Variants in PLD4 observed in about 807,000 individuals in gnomAD.
PLD4 encodes 5'-3' exonuclease PLD4.
PLD4 carries 54 observed loss-of-function variants against 52.3 expected under a neutral mutation model. The ratio of observed to expected loss-of-function variants is 1.03; its 90% CI spans 0.83 to 1.30. The LOEUF (loss-of-function observed/expected upper bound fraction) is 1.30, where lower values mean the gene tolerates loss of function less well. Ranked by LOEUF, PLD4 falls within the 50% of genes most tolerant of loss-of-function variation. The pLI, the probability that PLD4 is intolerant of heterozygous loss-of-function variation, is 0.00. For missense variants in PLD4, 731 were observed against 671.1 expected, an observed-to-expected ratio of 1.09 and a Z score of -0.99; for synonymous variants, 264 against 286.5, an observed-to-expected ratio of 0.92 and a Z score of 0.79.
Position 104,930,009 on chromosome 14 carries a change from G to GCAAAACA in PLD4, c.622_623insAAAACAC (p.Leu208GlnfsTer44). 6.2e-7 allele frequency: 1 copy of GCAAAACA among 1,613,612 alleles called. No homozygotes were observed. The highest frequency in any genetic ancestry group is 1.1e-5 in the South Asian group (1 of 91,082). On this transcript the variant is annotated frameshift_variant, in exon 6 of 11. Transcript: ENST00000392593. LOFTEE classifies it high-confidence loss of function. ...ATGTACGACAGGTGCCCATGGGGCG[G>GCAAAACA]CTCACCAGGGGTGTTTTGCACTCCA...
intron 2 of PLD4, 69 bp downstream of exon 2, chr14:104,927,299 T>G (rs1021919341): frequency 7.5e-7 from 1 of 1,330,360 alleles, no homozygotes; most frequent in South Asian, 1.4e-5. Context: ...CGAGCCAGAG[T>G]GGAGAGGTCA....
intron 5 of PLD4, 131 bp downstream of exon 5, chr14:104,929,558 G>GGGCA (rs1162986750): frequency 7.4e-7 from 1 of 1,359,540 alleles, no homozygotes; most frequent in Non-Finnish European, 9.7e-7. Context: ...CACCCCAGGA[G>GGGCA]GGCAGGACCC....
intron 1 of PLD4, among the ~76,000 whole-genome samples, chr14:104,925,862 G>A (rs1320306765): frequency 3.9e-5 from 6 of 152,060 alleles, no homozygotes; most frequent in Non-Finnish European, 7.4e-5. Context: ...GAGTTGGGCC[G>A]CAGTGACTTG....
chr14:104,927,334 A>G, intron 2 of PLD4, 104 bp downstream of exon 2: 1 of 1,027,602 alleles, frequency 9.7e-7, no homozygotes, highest in East Asian at 2.7e-5. Flanking sequence ...GGGGCCTCCA[A>G]GCAGAGGTGC....
chr14:104,926,162 C>A (rs1194772743), intron 1 of PLD4, among the ~76,000 whole-genome samples: 2 of 152,160 alleles, frequency 1.3e-5, no homozygotes, highest in Non-Finnish European at 1.5e-5. Flanking sequence ...TGGCACTCAG[C>A]ACTGCCCAGG....
rs751493751 is a variant in PLD4, at chr14:104,932,832, C to A, written c.1389C>A (p.Ser463Arg). 26 of 1,605,062 alleles carry A rather than the reference C, an allele frequency of 1.6e-5. No homozygotes were observed. The highest frequency in any genetic ancestry group is 2.1e-5 in the Non-Finnish European group (25 of 1,176,356). ...GGGTGGGCTTGGTGGTCACCCAGAG[C>A]CCTGGCGCGCAGCCCGCGGGGGCCA... The part of the protein sequence containing the change: ...TAGVGLVVTQ[S>R]PGAQPAGATV... The change falls in exon 11 of 11, where the codon AGC (serine) becomes AGA (arginine). Residue 463 changes from serine (S) to arginine (R), a missense_variant. By Grantham distance (110) the Ser-to-Arg change is moderately radical (BLOSUM62 -1). Transcript: ENST00000392593. The surrounding 1 kb of genome is among the most constrained non-coding windows in gnomAD (Gnocchi z 6.5).
rs940407173 is a variant in PLD4, at chr14:104,930,108, G to A, written c.717+3G>A. The A allele has an allele frequency of 6.2e-7, 1 of 1,613,168 alleles. No individual in the cohort carries two copies. The highest frequency in any genetic ancestry group is 1.3e-5 in the African/African-American group (1 of 75,062). ...TGGACTGGCGGTCTCTGACGCAGGT[G>A]AGTGCCAGGGCCCTAACACAGGAGG... is the stretch of plus-strand genomic sequence containing the variant. On this transcript the variant is annotated splice_donor_region_variant and intron_variant, in intron 6 of 10. Coordinates refer to ENST00000392593, the MANE Select transcript of PLD4 (RefSeq NM_138790.5).
chr14:104,932,686 A>C lies in PLD4; in HGVS notation c.1322-79A>C. ...AGCTGCCAACCGTCCCCAAACCCGT[A>C]GCCGGGCCTGGCGCTGAGCGGGCTG... On this transcript the variant is annotated intron_variant, in intron 10 of 10. Coordinates refer to ENST00000392593, the MANE Select transcript of PLD4 (RefSeq NM_138790.5). This position sits in a 1 kb window ranked among gnomAD's most constrained non-coding sequence, Gnocchi z 6.5. 1.5e-6 allele frequency: 2 copies of C among 1,376,328 alleles called. No homozygotes were observed. The highest frequency in any genetic ancestry group is 1.9e-6 in the Non-Finnish European group (2 of 1,030,944). 85.3% of individuals were successfully genotyped at this position (1,376,328 alleles called of 1,614,324 possible).
rs768566537 is a variant in PLD4, at chr14:104,930,041, G to A, written c.653G>A (p.Trp218Ter). The change falls in exon 6 of 11, where the codon TGG (tryptophan) becomes TAG (stop). Residue 218 changes from tryptophan to a stop codon, truncating the protein, a stop_gained. Coordinates refer to ENST00000392593, the MANE Select transcript of PLD4 (RefSeq NM_138790.5). LOFTEE classifies it high-confidence loss of function. ...LTRGVLHSKF[W>*]VVDGRHIYMG... is the part of the protein sequence containing the mutation. ...AGGGGTGTTTTGCACTCCAAATTCT[G>A]GGTTGTGGATGGACGGCACATATAC... The A allele has an allele frequency of 8.7e-6, 14 of 1,613,548 alleles. No homozygotes were observed. The highest frequency in any genetic ancestry group is 3.3e-5 in the South Asian group (3 of 91,078).
In PLD4 at chr14:104,932,910, C is replaced by A; in HGVS notation, c.1467C>A (p.Tyr489Ter). Residue 489 changes from tyrosine to a stop codon, truncating the protein, a stop_gained, in exon 11 of 11, where the codon TAC becomes TAA. Transcript: ENST00000392593. LOFTEE classifies it high-confidence loss of function. The surrounding 1 kb of genome is among the most constrained non-coding windows in gnomAD (Gnocchi z 6.5). The stretch of plus-strand genomic sequence containing the variant: ...TTGAGCGGGACTGGAGTTCGCGCTA[C>A]GCCGTCGGCCTGGACGGACAGGCTC... ...QLFERDWSSR[Y>*]AVGLDGQAPG... 1.9e-6 allele frequency: 3 copies of A among 1,602,032 alleles called. No individual in the cohort carries two copies. The highest frequency in any genetic ancestry group is 2.6e-6 in the Non-Finnish European group (3 of 1,175,388).
At position 104,933,014 on chromosome 14, in the gene PLD4, TCTGA is replaced by T. The variant is rs1225366875; in HGVS notation, c.*52_*55del. 5 of 1,490,570 alleles carry T rather than the reference TCTGA, an allele frequency of 3.4e-6. No homozygotes were observed. 92.3% of individuals were successfully genotyped at this position (1,490,570 alleles called of 1,614,324 possible). On this transcript the variant is annotated 3_prime_UTR_variant, in exon 11 of 11. Coordinates refer to ENST00000392593, the MANE Select transcript of PLD4 (RefSeq NM_138790.5). ...ACCCCGCCCCGCACGCGCCCTCCCC[TCTGA>T]CCCCGGCCTGGGCTTCAGCCGCTTC... is the stretch of plus-strand genomic sequence containing the variant.
chr14:104,931,636 TG>T, intron 7 of PLD4, 111 bp from the exon 8 acceptor site: 1 of 1,389,732 alleles, frequency 7.2e-7, no homozygotes, highest in Non-Finnish European at 9.5e-7. Flanking sequence ...TCCAGGCACC[TG>T]GGCCCCCTCC....
In PLD4 at chr14:104,927,126, G is replaced by T; in HGVS notation, c.1-15G>T. ...AGAGCTGGAGCTGCTGGTGATGCCA[G>T]GCTGCCCTGTGCAGATGCTGAAGCC... is the stretch of plus-strand genomic sequence containing the variant. On this transcript the variant is annotated splice_polypyrimidine_tract_variant and intron_variant, in intron 1 of 10. Coordinates refer to ENST00000392593, the MANE Select transcript of PLD4 (RefSeq NM_138790.5). 2.6e-6 allele frequency: 4 copies of T among 1,539,798 alleles called. No homozygotes were observed. The highest frequency in any genetic ancestry group is 3.5e-6 in the Non-Finnish European group (4 of 1,140,578).
intron 3 of PLD4, 132 bp from the exon 4 acceptor site, chr14:104,928,617 C>T: frequency 1.1e-6 from 1 of 909,386 alleles, no homozygotes; most frequent in Non-Finnish European, 1.7e-6. Flanking sequence ...ACCCTGCACA[C>T]TTGGCCTGGG....
Position 104,929,339 on chromosome 14 carries a change from G to A in PLD4, c.501G>A (p.Leu167=). Residue 167 remains leucine (L), a synonymous_variant, in exon 5 of 11, where the codon CTG becomes CTA. Transcript: ENST00000392593. ...GEALLQKLQQ[L]LGRNISLAVA... ...CTCTTCTGCAGAAGCTGCAGCAGCT[G>A]CTGGGCAGGAACATTTCCCTGGCTG... 6.3e-7 allele frequency: 1 copy of A among 1,576,318 alleles called. No homozygotes were observed. The highest frequency in any genetic ancestry group is 8.6e-7 in the Non-Finnish European group (1 of 1,161,384).
rs750617640 is a variant in PLD4, at chr14:104,932,064, G to A, written c.1111G>A (p.Val371Met). ...GCGGGCGGCAGCCTTCGGCAAGGGCGTGCGCGTGCGCCTGCTGGTCGGCTG... is the reference window on the plus strand; with the variant it reads ...GCGGGCGGCAGCCTTCGGCAAGGGCATGCGCGTGCGCCTGCTGGTCGGCTG... ...ALRAAAFGKG[V>M]RVRLLVGCGL... The change falls in exon 9 of 11, where the codon GTG (valine) becomes ATG (methionine). Residue 371 changes from valine to methionine, a missense_variant. Transcript: ENST00000392593. The surrounding 1 kb of genome is among the most constrained non-coding windows in gnomAD (Gnocchi z 6.5). The A allele has an allele frequency of 6.8e-6, 11 of 1,608,442 alleles. No homozygotes were observed. Among genetic ancestry groups the A allele is most frequent in the Non-Finnish European group, 9.3e-6 (11 of 1,178,810 alleles).
chr14:104,926,060 C>T (rs1021349388), intron 1 of PLD4, among the ~76,000 whole-genome samples: 3 of 152,170 alleles, frequency 2.0e-5, no homozygotes, highest in Non-Finnish European at 4.4e-5. Context: ...CCCAGACGAA[C>T]CCCAGAGGCC....
intron 2 of PLD4, 96 bp downstream of exon 2, chr14:104,927,326 G>A (rs1388263664): frequency 9.0e-7 from 1 of 1,113,190 alleles, no homozygotes; most frequent in Non-Finnish European, 1.3e-6. Flanking sequence ...GCCTTGAGGG[G>A]GCCTCCAAGC....
At position 104,928,798 on chromosome 14, in the gene PLD4, A is replaced by G; in HGVS notation, c.334A>G (p.Ser112Gly). ...CCAGGACCTGCCATCTGCAGCCGGC[A>G]GCCCCTCTGCCCAGCCTCTGGGCCA... ...IPQDLPSAAG[S>G]PSAQPLGQAW... The change falls in exon 4 of 11, where the codon AGC (serine) becomes GGC (glycine). Residue 112 changes from serine to glycine, a missense_variant. Ser to Gly is a moderately conservative substitution (Grantham distance 56, BLOSUM62 0). Transcript: ENST00000392593. The G allele has an allele frequency of 6.2e-7, 1 of 1,608,936 alleles. No individual in the cohort carries two copies. The highest frequency in any genetic ancestry group is 8.5e-7 in the Non-Finnish European group (1 of 1,177,054).
Sources: allele counts gnomAD v4.1 joint callset (sites outside exome capture counted in the v4.1 genomes callset), GRCh38; gene constraint gnomAD v4.1.1; non-coding constraint Gnocchi (gnomAD v3.1); transcripts MANE v1.5; gene names NCBI Gene and HGNC (gene_info 2026-07-23, HGNC 2026-07-21).